Variants in VWCE observed in about 807,000 individuals in gnomAD.
VWCE encodes the protein von Willebrand factor C and EGF domain-containing protein.
VWCE carries 68 observed loss-of-function variants against 102.9 expected under a neutral mutation model. The ratio of observed to expected loss-of-function variants is 0.66; its 90% CI spans 0.54 to 0.81. The LOEUF is 0.81. Ranked by LOEUF, VWCE falls within the 30% of genes least tolerant of loss-of-function variation. VWCE has a pLI of 0.00. For missense variants in VWCE, 1,137 were observed against 1,263.6 expected (o/e 0.90, Z 1.52); for synonymous variants, 497 against 515.4 (o/e 0.96, Z 0.48).
intron 6 of VWCE, among the ~76,000 whole-genome samples, chr11:61,282,333 C>G (rs376328258): frequency 1.3e-5 from 2 of 152,324 alleles, no homozygotes; most frequent in South Asian, 4.1e-4. Flanking sequence ...GGTCTTTTTT[C>G]AGGCCCATGG....
At position 61,259,077 on chromosome 11, in the gene VWCE, A is replaced by G. The variant is rs1854276450; in HGVS notation, c.2466T>C (p.Gly822=). 1 of 1,613,844 alleles carries G rather than the reference A, an allele frequency of 6.2e-7. No homozygotes were observed. The highest frequency in any genetic ancestry group is 8.5e-7 in the Non-Finnish European group (1 of 1,179,904). ...TCAGCCCCAAAGCGAGTGAGTGTGG[A>G]CCATGAGCTCCTGCCGGGCTTGTAG... ...TLPTSPAGAH[G]PHSLALGLTA... The change falls in exon 20 of 20, where the codon GGT becomes GGC. Residue 822 remains glycine (G), a synonymous_variant. Coordinates refer to ENST00000335613, the MANE Select transcript of VWCE (RefSeq NM_152718.2).
At position 61,269,237 on chromosome 11, in the gene VWCE, A is replaced by C. The variant is rs1158594029; in HGVS notation, c.1786-219T>G. On this transcript the variant is annotated intron_variant, in intron 14 of 19. Transcript: ENST00000335613. ...AGTCTATGCATCTTTAAGGAGAAGG[A>C]AGGTCAGGGTTGGGATTCTGGTCTC... The C allele has an allele frequency of 1.3e-5, 7 of 551,962 alleles. No individual in the cohort carries two copies. The Admixed American group carries it at 1.5e-4, about 12-fold the overall frequency. The allele number at this position is 551,962 out of a possible 1,614,324, so 34.2% of individuals were successfully genotyped here. A position where few individuals can be genotyped will look rare whatever the true frequency, so the allele number is the denominator to read the frequency against.
At chr11:61,261,144 C>A (rs979304077) in intron 19 of VWCE, among the ~76,000 whole-genome samples, 2 of 151,320 alleles carry the variant, frequency 1.3e-5, no homozygotes, top group African/African-American at 4.9e-5. Context: ...TGCTGGAAAC[C>A]GGGAGGTGGA....
chr11:61,277,873 CT>C (rs1281408009), intron 10 of VWCE, among the ~76,000 whole-genome samples: 4 of 152,184 alleles, frequency 2.6e-5, no homozygotes, highest in Non-Finnish European at 4.4e-5. Flanking sequence ...GAGGCTCGCT[CT>C]GTCGCCCAGG....
Position 61,276,578 on chromosome 11 carries a change from A to C in VWCE, c.1495+15T>G. Reference sequence around the variant, plus strand: ...AAAAAAAAAAAAAGCAAAATGCTCCAAGAGTGTCACTTACCTGGAACACAA... The same window carrying C: ...AAAAAAAAAAAAAGCAAAATGCTCCCAGAGTGTCACTTACCTGGAACACAA... On this transcript the variant is annotated intron_variant, in intron 11 of 19. Transcript: ENST00000335613. 1 of 1,536,710 alleles carries C rather than the reference A, an allele frequency of 6.5e-7. No individual in the cohort carries two copies. The highest frequency in any genetic ancestry group is 2.3e-5 in the East Asian group (1 of 42,578).
chr11:61,284,088 G>A (rs1260585157), intron 5 of VWCE, among the ~76,000 whole-genome samples: 3 of 152,148 alleles, frequency 2.0e-5, no homozygotes, highest in Non-Finnish European at 2.9e-5. Context: ...CTCTGGCTGG[G>A]TGCAGTGGCT....
intron 4 of VWCE, 147 bp downstream of exon 4, chr11:61,290,652 A>G: frequency 1.1e-6 from 1 of 875,896 alleles, no homozygotes; most frequent in Non-Finnish European, 1.7e-6. Context: ...TTTTGTTCTC[A>G]TGTCTCTCTG....
At chr11:61,265,514 G>C (rs1854487729) in intron 16 of VWCE, among the ~76,000 whole-genome samples, 1 of 152,196 alleles carries the variant, frequency 6.6e-6, no homozygotes, top group Non-Finnish European at 1.5e-5. Context: ...GAAAGATCCA[G>C]GGGCCAAAGT....
At position 61,258,785 on chromosome 11, in the gene VWCE, C is replaced by T. The variant is rs550040653; in HGVS notation, c.2758G>A (p.Val920Met). ...AGTCTAGAGGTGGTGGGAGAAAGCA[C>T]GCGAGGCCCGAGGAGGGTGATGGGG... ...KTPITLLGPR[V>M]LSPTTSRLST... is the part of the protein sequence containing the mutation. Residue 920 changes from valine to methionine, a missense_variant, in exon 20 of 20, where the codon GTG becomes ATG. By Grantham distance (21) the Val-to-Met change is conservative. This residue lies in a region of VWCE where 316 missense variants were observed against 319.3 expected (regional missense o/e 0.99). Transcript: ENST00000335613. 66 of 1,494,238 alleles carry T rather than the reference C, an allele frequency of 4.4e-5. No individual in the cohort carries two copies. Among genetic ancestry groups the T allele is most frequent in the South Asian group, 2.0e-4 (14 of 68,822 alleles). 92.6% of individuals were successfully genotyped at this position (1,494,238 alleles called of 1,614,324 possible).
Position 61,282,777 on chromosome 11 carries a change from TC to T in VWCE, c.658+11del. ...CCTAAGTGTGCAGACCACAGGGTCC[TC>T]CCCGCCTTACCTACACAGGAGTGCC... On this transcript the variant is annotated intron_variant, in intron 6 of 19. Coordinates refer to ENST00000335613, the MANE Select transcript of VWCE (RefSeq NM_152718.2). 1 of 1,611,242 alleles carries T rather than the reference TC, an allele frequency of 6.2e-7. No individual in the cohort carries two copies. The highest frequency in any genetic ancestry group is 8.5e-7 in the Non-Finnish European group (1 of 1,177,720).
Position 61,295,074 on chromosome 11 carries a change from T to G in VWCE, c.-37A>C. Reference sequence around the variant, plus strand: ...GCGGGTCCCCCGGGCTGGGCTCGGCTCCTGCGCCGCGCGCGGGAGAGGGGG... The same window carrying G: ...GCGGGTCCCCCGGGCTGGGCTCGGCGCCTGCGCCGCGCGCGGGAGAGGGGG... On this transcript the variant is annotated 5_prime_UTR_variant, in exon 1 of 20. Transcript: ENST00000335613. This position sits in a 1 kb window ranked among gnomAD's most constrained non-coding sequence, Gnocchi z 4.6. 5 of 1,262,956 alleles carry G rather than the reference T, an allele frequency of 4.0e-6. No homozygotes were observed. Among genetic ancestry groups the G allele is most frequent in the Non-Finnish European group, 5.0e-6 (5 of 994,078 alleles). The allele number at this position is 1,262,956 out of a possible 1,614,324, so 78.2% of individuals were successfully genotyped here. A position where few individuals can be genotyped will look rare whatever the true frequency, so the allele number is the denominator to read the frequency against.
At chr11:61,282,239 G>A (rs575042256) in intron 6 of VWCE, among the ~76,000 whole-genome samples, 5 of 152,254 alleles carry the variant, frequency 3.3e-5, no homozygotes, top group African/African-American at 9.6e-5. Flanking sequence ...CCACCCTCCC[G>A]TTTTTCTTTC....
intron 9 of VWCE, 76 bp downstream of exon 9, chr11:61,280,548 A>C: frequency 6.8e-7 from 1 of 1,461,920 alleles, no homozygotes; most frequent in Middle Eastern, 1.8e-4. Context: ...AATGTTAAAG[A>C]ACAGCCTTTT....
chr11:61,280,689 C>A lies in VWCE; in HGVS notation c.1259G>T (p.Arg420Met). 1 of 1,613,998 alleles carries A rather than the reference C, an allele frequency of 6.2e-7. No individual in the cohort carries two copies. The highest frequency in any genetic ancestry group is 1.1e-5 in the South Asian group (1 of 91,070). Residue 420 changes from arginine to methionine, a missense_variant, in exon 9 of 20, where the codon AGG (arginine) becomes ATG (methionine). Physicochemically the swap from Arg to Met is moderately conservative, Grantham distance 91. Coordinates refer to ENST00000335613, the MANE Select transcript of VWCE (RefSeq NM_152718.2). Reference protein sequence around the residue: ...EDGKVTCEKVRCEAACSHPIP... With the variant: ...EDGKVTCEKVMCEAACSHPIP... ...TGGGTGGGAACAAGCAGCTTCACAC[C>A]TCACCTTTTCACAGGTCACCTTCCC...
At chr11:61,284,098 T>C (rs1487802528) in intron 5 of VWCE, among the ~76,000 whole-genome samples, 2 of 152,086 alleles carry the variant, frequency 1.3e-5, no homozygotes, top group African/African-American at 4.8e-5. Flanking sequence ...GTGCAGTGGC[T>C]CATGCCTGGA....
At chr11:61,268,777 G>T in intron 15 of VWCE, 145 bp downstream of exon 15, 1 of 767,938 alleles carries the variant, frequency 1.3e-6, no homozygotes. Flanking sequence ...TGGGTAAACT[G>T]TTCTACCTCA....
chr11:61,258,620 C>T lies in VWCE; in HGVS notation c.*55G>A. On this transcript the variant is annotated 3_prime_UTR_variant, in exon 20 of 20. Transcript: ENST00000335613. ...ATCCTTGGAGCTGCCCTGCACACAC[C>T]CTGGGCCACTGGCAGAGGTCCTCTC... The T allele has an allele frequency of 7.5e-7, 1 of 1,337,318 alleles. No homozygotes were observed. The highest frequency in any genetic ancestry group is 9.6e-7 in the Non-Finnish European group (1 of 1,038,570). The allele number at this position is 1,337,318 out of a possible 1,614,324, so 82.8% of individuals were successfully genotyped here.
At chr11:61,262,538 C>T (rs1854390819) in intron 19 of VWCE, among the ~76,000 whole-genome samples, 1 of 152,160 alleles carries the variant, frequency 6.6e-6, no homozygotes, top group Non-Finnish European at 1.5e-5. Flanking sequence ...TCTAGACAGT[C>T]AGGGGACTAA....
At chr11:61,265,630 C>T (rs905849654) in intron 16 of VWCE, among the ~76,000 whole-genome samples, 2 of 152,228 alleles carry the variant, frequency 1.3e-5, no homozygotes, top group East Asian at 3.8e-4. Context: ...TTTCTGCAGA[C>T]CGTGTCCCTT....
Sources: allele counts gnomAD v4.1 joint callset (sites outside exome capture counted in the v4.1 genomes callset), GRCh38; gene constraint gnomAD v4.1.1; regional missense constraint gnomAD v4.1.1; non-coding constraint Gnocchi (gnomAD v3.1); transcripts MANE v1.5; gene names NCBI Gene and HGNC (gene_info 2026-07-23, HGNC 2026-07-21).